Variants in ESRP1 observed in about 807,000 individuals in gnomAD.
The protein encoded by ESRP1 is epithelial splicing regulatory protein 1, also known as RNA-binding motif protein 35A.
Under a neutral mutation model 81.7 loss-of-function variants are expected in ESRP1, and 33 were observed. The ratio of observed to expected loss-of-function variants is 0.40; its 90% confidence interval spans 0.31 to 0.54. ESRP1 has a LOEUF of 0.54. ESRP1 is among the 20% of genes least tolerant of loss of function. ESRP1 has a pLI of 0.41. For missense variants in ESRP1, 672 were observed against 833.1 expected (o/e 0.81, Z 2.38); for synonymous variants, 320 against 303.3 (o/e 1.06, Z -0.57).
chr8:94,681,418 A>C (rs1808879862), intron 13 of ESRP1, among the ~76,000 whole-genome samples: 1 of 150,158 alleles, frequency 6.7e-6, no homozygotes, highest in African/African-American at 2.4e-5. Context: ...TGGGCAAATC[A>C]CTTGAGGTTA....
chr8:94,694,105 A>G (rs899269509), intron 14 of ESRP1, among the ~76,000 whole-genome samples: 1 of 152,338 alleles, frequency 6.6e-6, no homozygotes, highest in East Asian at 1.9e-4. Flanking sequence ...GTTGCTTATT[A>G]TGGAGAAAAC....
intron 13 of ESRP1, among the ~76,000 whole-genome samples, chr8:94,683,509 G>T (rs1301375394): frequency 1.3e-5 from 2 of 152,098 alleles, no homozygotes; most frequent in East Asian, 3.9e-4. Flanking sequence ...TTATCCCAAT[G>T]GTAACATATG....
At chr8:94,700,947 GTGTGTA>G (rs1001197677) in intron 15 of ESRP1, among the ~76,000 whole-genome samples, 16 of 110,532 alleles carry the variant, frequency 1.4e-4, no homozygotes, top group African/African-American at 7.6e-4. Flanking sequence ...ATGTGTGTGT[GTGTGTA>G]TGTGTGTGTG....
chr8:94,659,857 GT>G (rs1818629838), intron 4 of ESRP1, among the ~76,000 whole-genome samples: 1 of 152,194 alleles, frequency 6.6e-6, no homozygotes, highest in Non-Finnish European at 1.5e-5. Flanking sequence ...AGTGTGAGTG[GT>G]TTGGATAGAT....
intron 13 of ESRP1, among the ~76,000 whole-genome samples, chr8:94,684,750 T>C (rs1247027706): frequency 6.6e-6 from 1 of 152,178 alleles, no homozygotes; most frequent in Non-Finnish European, 1.5e-5. Flanking sequence ...TGGCCTCTCT[T>C]TTTTAGTGAA....
intron 4 of ESRP1, among the ~76,000 whole-genome samples, chr8:94,652,767 C>T (rs1818207466): frequency 1.3e-5 from 2 of 152,076 alleles, no homozygotes; most frequent in African/African-American, 4.8e-5. Context: ...GTAAGGAGGA[C>T]AGGTGAAAAA....
intron 4 of ESRP1, among the ~76,000 whole-genome samples, chr8:94,656,726 T>A (rs1818446506): frequency 1.3e-5 from 2 of 152,212 alleles, no homozygotes; most frequent in Non-Finnish European, 2.9e-5. Context: ...AAGGAATGGA[T>A]TTAATGTCTT....
At chr8:94,656,517 G>A (rs750430867) in intron 4 of ESRP1, among the ~76,000 whole-genome samples, 31 of 152,156 alleles carry the variant, frequency 2.0e-4, no homozygotes, top group Admixed American at 6.5e-5. Flanking sequence ...CACCACGCCC[G>A]GCCCATAAAG....
At chr8:94,667,905 C>T (rs751837489) in intron 9 of ESRP1, 44 bp from the exon 10 acceptor site, 2 of 1,492,180 alleles carry the variant, frequency 1.3e-6, no homozygotes, top group South Asian at 2.7e-5. Flanking sequence ...AAGTTGATGT[C>T]TTAACTATTT....
intron 15 of ESRP1, among the ~76,000 whole-genome samples, chr8:94,698,976 C>T (rs1809709425): frequency 6.6e-6 from 1 of 152,004 alleles, no homozygotes; most frequent in Non-Finnish European, 1.5e-5. Flanking sequence ...AATGGGTGTT[C>T]TCTAGTCTTT....
At chr8:94,652,910 T>C (rs576238358) in intron 4 of ESRP1, among the ~76,000 whole-genome samples, 52 of 152,326 alleles carry the variant, frequency 3.4e-4, no homozygotes, top group African/African-American at 1.2e-3. Flanking sequence ...TCCAACAATA[T>C]ACAAGGTGAA....
In ESRP1 at chr8:94,696,910, A is replaced by G; in HGVS notation, c.2030A>G (p.Glu677Gly). The G allele has an allele frequency of 6.3e-7, 1 of 1,591,938 alleles. No individual in the cohort carries two copies. The highest frequency in any genetic ancestry group is 8.6e-7 in the Non-Finnish European group (1 of 1,168,252). Residue 677 changes from glutamate to glycine, a missense_variant, in exon 15 of 16, where the codon GAA becomes GGA. Transcript: ENST00000433389. Reference protein sequence around the residue: ...TNDQARTLPKEWVCI With the variant: ...TNDQARTLPKGWVCI ...GACCAGGCCAGGACTCTACCCAAAG[A>G]ATGGGTTTGTATTTAAGGGCCCCAG... is the stretch of plus-strand genomic sequence containing the variant.
Position 94,664,802 on chromosome 8 carries a change from T to C in ESRP1, c.750T>C (p.Ile250=), listed in dbSNP as rs1395446417. ...DIARFFKGLN[I]AKGGAALCLN... ...CAAGATTCTTCAAAGGACTCAATAT[T>C]GCCAAGTTGGTTTTCTTAAATATCT... The change falls in exon 7 of 16, where the codon ATT becomes ATC. Residue 250 remains isoleucine, a synonymous_variant. Transcript: ENST00000433389. 3 of 1,613,546 alleles carry C rather than the reference T, an allele frequency of 1.9e-6. No individual in the cohort carries two copies. The highest frequency in any genetic ancestry group is 2.5e-6 in the Non-Finnish European group (3 of 1,179,698).
intron 13 of ESRP1, among the ~76,000 whole-genome samples, chr8:94,692,437 G>C (rs1169381162): frequency 6.6e-6 from 1 of 152,088 alleles, no homozygotes. Context: ...GAATCTCAGG[G>C]ATGTGAGGAA....
intron 4 of ESRP1, among the ~76,000 whole-genome samples, chr8:94,659,943 G>A (rs990697813): frequency 1.3e-5 from 2 of 152,196 alleles, no homozygotes; most frequent in African/African-American, 2.4e-5. Flanking sequence ...ATTCTATGAA[G>A]GCTGAGAGAA....
At chr8:94,674,543 A>C in intron 12 of ESRP1, 37 bp downstream of exon 12, 1 of 1,573,388 alleles carries the variant, frequency 6.4e-7, no homozygotes, top group Non-Finnish European at 8.6e-7. Context: ...ATTCTACGCT[A>C]TATGCTGGTA....
chr8:94,641,531 AG>A (rs1314731300), intron 1 of ESRP1, 81 bp downstream of exon 1: 1 of 1,582,166 alleles, frequency 6.3e-7, no homozygotes. Context: ...AGGGGGGTGG[AG>A]GTAAGTAAAT....
intron 4 of ESRP1, among the ~76,000 whole-genome samples, chr8:94,655,060 G>T (rs941430127): frequency 1.9e-4 from 28 of 146,724 alleles, no homozygotes; most frequent in Middle Eastern, 3.4e-3. Context: ...GGTTTTTTGG[G>T]TTTTTTGTGT....
chr8:94,668,544 A>T (rs1347016521), intron 10 of ESRP1, among the ~76,000 whole-genome samples: 4 of 152,200 alleles, frequency 2.6e-5, no homozygotes, highest in Non-Finnish European at 5.9e-5. Context: ...ATCTTTAAAT[A>T]TCTCATGGAA....
Sources: gnomAD v4.1 joint callset for allele counts (sites outside exome capture counted in the v4.1 genomes callset) on GRCh38, gnomAD v4.1.1 for gene constraint, MANE v1.5 for transcripts, NCBI Gene and HGNC (gene_info 2026-07-23, HGNC 2026-07-21) for gene names.